DLGAP1: variants seen among roughly 807,000 people sequenced by gnomAD.
DLGAP1 encodes the protein disks large-associated protein 1.
A neutral mutation model predicts 90.8 loss-of-function variants in DLGAP1; 11 were observed. The ratio of observed to expected loss-of-function variants is 0.12; its 90% CI spans 0.08 to 0.20. The LOEUF (loss-of-function observed/expected upper bound fraction) is 0.20. DLGAP1 is among the 10% of genes least tolerant of loss of function. The pLI is 1.00. For missense variants in DLGAP1, 1,050 were observed against 1,333.8 expected (o/e 0.79, Z 3.31); for synonymous variants, 558 against 540.7 (o/e 1.03, Z -0.44).
chr18:3,586,159 C>A (rs1444432389), intron 7 of DLGAP1, among the ~76,000 whole-genome samples: 3 of 152,186 alleles, frequency 2.0e-5, no homozygotes, highest in Non-Finnish European at 4.4e-5. Context: ...GCTTCTCCAA[C>A]AGGGTGGTCC....
chr18:4,179,975 G>A (rs906378020), intron 1 of DLGAP1, among the ~76,000 whole-genome samples: 1 of 152,104 alleles, frequency 6.6e-6, no homozygotes, highest in Non-Finnish European at 1.5e-5. Flanking sequence ...TGGATACATG[G>A]TAGTCCTTAT....
At chr18:4,063,973 C>T (rs1465317766) in intron 2 of DLGAP1, among the ~76,000 whole-genome samples, 3 of 152,006 alleles carry the variant, frequency 2.0e-5, no homozygotes, top group Non-Finnish European at 4.4e-5. Flanking sequence ...GCCTATGGCC[C>T]CCACAATTCA....
intron 2 of DLGAP1, among the ~76,000 whole-genome samples, chr18:4,026,053 T>A (rs964334948): frequency 2.6e-5 from 4 of 152,206 alleles, no homozygotes; most frequent in Non-Finnish European, 5.9e-5. Context: ...ATTAACAGCA[T>A]CACATCACAA....
chr18:3,874,093 C>T (rs1291712961), intron 4 of DLGAP1: 3 of 1,545,096 alleles, frequency 1.9e-6, no homozygotes, highest in Non-Finnish European at 2.6e-6. Context: ...ACCACAAAAA[C>T]CATCCAAATC....
At chr18:3,940,659 T>C (rs2072748579) in intron 3 of DLGAP1, among the ~76,000 whole-genome samples, 1 of 152,212 alleles carries the variant, frequency 6.6e-6, no homozygotes, top group Admixed American at 6.5e-5. Flanking sequence ...AACTGGAGCA[T>C]ATAAAATCAA....
chr18:3,599,917 A>G (rs2056803483), intron 7 of DLGAP1, among the ~76,000 whole-genome samples: 1 of 148,652 alleles, frequency 6.7e-6, no homozygotes, highest in African/African-American at 2.5e-5. Context: ...ATTCCCAGCC[A>G]ATTTTTTTTT....
chr18:3,835,266 T>C (rs2068301490), intron 4 of DLGAP1, among the ~76,000 whole-genome samples: 3 of 152,194 alleles, frequency 2.0e-5, no homozygotes, highest in Admixed American at 2.0e-4. Context: ...AAATACCCTT[T>C]GGAGAAAGAA....
chr18:3,643,662 C>CAAAAA (rs538678987), intron 7 of DLGAP1, among the ~76,000 whole-genome samples: 8 of 64,996 alleles, frequency 1.2e-4, no homozygotes, highest in Non-Finnish European at 1.2e-4. Flanking sequence ...GACTCCATCT[C>CAAAAA]AAAAAAAAAA....
chr18:3,891,660 CATG>C (rs2071462586), intron 3 of DLGAP1, among the ~76,000 whole-genome samples: 1 of 152,186 alleles, frequency 6.6e-6, no homozygotes, highest in Non-Finnish European at 1.5e-5. Context: ...ACTTTAAATG[CATG>C]ATCTCATTTT....
chr18:3,738,569 C>T (rs978273063), intron 6 of DLGAP1, among the ~76,000 whole-genome samples: 192 of 151,864 alleles, frequency 1.3e-3, no homozygotes, highest in Non-Finnish European at 2.4e-3. Context: ...ACTGGCTAGC[C>T]ATATGTAGAA....
At chr18:4,096,853 C>G (rs1205041972) in intron 2 of DLGAP1, among the ~76,000 whole-genome samples, 1 of 142,080 alleles carries the variant, frequency 7.0e-6, no homozygotes, top group African/African-American at 3.1e-5. Context: ...TCCTGTATTT[C>G]AGTTTACCTA....
intron 2 of DLGAP1, among the ~76,000 whole-genome samples, chr18:4,058,115 G>A (rs532622296): frequency 1.3e-5 from 2 of 152,254 alleles, no homozygotes; most frequent in South Asian, 2.1e-4. Flanking sequence ...GGTTTCCTCT[G>A]CTTTTTCAAC....
chr18:4,209,048 T>C (rs749447329), intron 1 of DLGAP1, among the ~76,000 whole-genome samples: 3 of 152,140 alleles, frequency 2.0e-5, no homozygotes, highest in Non-Finnish European at 2.9e-5. Context: ...GGTGGAAAGC[T>C]GCTCCCTTCA....
rs148320228 is a variant in DLGAP1 at position 4,258,799 on chromosome 18, A to T, written c.-266-107512T>A. Among the ~76,000 whole-genome samples, 785 of 151,890 alleles carry T rather than the reference A, an allele frequency of 5.2e-3. 5 individuals are homozygous for T. Among genetic ancestry groups the T allele is most frequent in the Middle Eastern group, 0.014 (4 of 294 alleles). On this transcript the variant is annotated intron_variant, in intron 1 of 12. Transcript: ENST00000315677. Reference sequence around the variant, plus strand: ...GCAAAATAAAGGAGATGAAAGTACTAAGTTTCTGAAACTTTGCCTTTTCCT... The same window carrying T: ...GCAAAATAAAGGAGATGAAAGTACTTAGTTTCTGAAACTTTGCCTTTTCCT...
intron 11 of DLGAP1, among the ~76,000 whole-genome samples, chr18:3,504,542 G>A (rs1701284963): frequency 6.6e-6 from 1 of 152,004 alleles, no homozygotes; most frequent in Non-Finnish European, 1.5e-5. Flanking sequence ...GTGCCACCAT[G>A]CCTGGCTAAT....
chr18:3,543,715 G>A (rs994164844), intron 9 of DLGAP1, among the ~76,000 whole-genome samples: 1 of 152,190 alleles, frequency 6.6e-6, no homozygotes, highest in Non-Finnish European at 1.5e-5. Context: ...AGTGATCACT[G>A]AGATATGGGA....
chr18:4,258,264 G>A (rs1177430527), intron 1 of DLGAP1, among the ~76,000 whole-genome samples: 1 of 151,598 alleles, frequency 6.6e-6, no homozygotes, highest in Admixed American at 6.6e-5. Flanking sequence ...GGCTGGTCTC[G>A]AATTCCTAGG....
chr18:3,691,353 G>A (rs1010951300), intron 7 of DLGAP1, among the ~76,000 whole-genome samples: 1 of 151,874 alleles, frequency 6.6e-6, no homozygotes, highest in Non-Finnish European at 1.5e-5. Context: ...CCTTGAACCT[G>A]GGAGATGGAG....
chr18:3,960,318 C>A (rs2073171905), intron 3 of DLGAP1, among the ~76,000 whole-genome samples: 1 of 152,148 alleles, frequency 6.6e-6, no homozygotes, highest in Non-Finnish European at 1.5e-5. Flanking sequence ...TGATTCATTG[C>A]ACTCTGACCC....
Sources: allele counts gnomAD v4.1 joint callset (sites outside exome capture counted in the v4.1 genomes callset), GRCh38; gene constraint gnomAD v4.1.1; transcripts MANE v1.5; gene names NCBI Gene and HGNC (gene_info 2026-07-23, HGNC 2026-07-21).